UBOX5: variants seen among roughly 807,000 people sequenced by gnomAD.
UBOX5 encodes the protein U-box domain containing 5, also known as RING finger protein 37.
In UBOX5, 28 loss-of-function variants were observed where a neutral mutation model predicts 39.0. The ratio of observed to expected loss-of-function variants is 0.72; its 90% CI spans 0.53 to 0.98. The LOEUF (loss-of-function observed/expected upper bound fraction) is 0.98. Ranked by LOEUF, UBOX5 falls within the 50% of genes least tolerant of loss-of-function variation. UBOX5 has a pLI of 0.00. For synonymous variants in UBOX5, 283 were observed against 275.5 expected, an observed-to-expected ratio of 1.03 and a Z score of -0.27; for missense variants, 585 against 674.4, an observed-to-expected ratio of 0.87 and a Z score of 1.47.
intron 1 of UBOX5, among the ~76,000 whole-genome samples, chr20:3,132,342 A>T (rs1241778632): frequency 6.6e-6 from 1 of 152,096 alleles, no homozygotes; most frequent in Non-Finnish European, 1.5e-5. Flanking sequence ...AAACACAAAG[A>T]ATTATACAGC....
At chr20:3,125,716 C>G (rs1391867869) in intron 1 of UBOX5, among the ~76,000 whole-genome samples, 1 of 148,346 alleles carries the variant, frequency 6.7e-6, no homozygotes, top group African/African-American at 2.5e-5. Context: ...AGTGCCTCTG[C>G]CTGGCCGCCC....
At chr20:3,132,403 G>A (rs531270193) in intron 1 of UBOX5, among the ~76,000 whole-genome samples, 1 of 152,114 alleles carries the variant, frequency 6.6e-6, no homozygotes, top group South Asian at 2.1e-4. Context: ...ATCAATATTG[G>A]CTCATTAGTT....
chr20:3,146,739 C>A (rs891796195), intron 1 of UBOX5: 2 of 1,591,202 alleles, frequency 1.3e-6, no homozygotes, highest in African/African-American at 1.3e-5. Context: ...ACAGTATACA[C>A]CTATAGCTTT....
intron 1 of UBOX5, chr20:3,148,417 G>C (rs2148620586): frequency 6.2e-7 from 1 of 1,614,108 alleles, no homozygotes; most frequent in East Asian, 2.2e-5. Context: ...GGGAGTGAGG[G>C]ATTCCTAAAA....
At chr20:3,114,861 T>C (rs1322604052) in intron 4 of UBOX5, among the ~76,000 whole-genome samples, 2 of 152,060 alleles carry the variant, frequency 1.3e-5, no homozygotes, top group Non-Finnish European at 2.9e-5. Context: ...GGCAGGAGAA[T>C]AGCTTGAATC....
rs1185567275 is a variant in UBOX5, at chr20:3,109,054, C to T, written c.*1052G>A. The T allele has an allele frequency of 1.3e-5, 2 of 151,994 alleles. No individual in the cohort carries two copies. Among genetic ancestry groups the T allele is most frequent in the African/African-American group, 4.8e-5 (2 of 41,378 alleles). The allele number at this position is 151,994 out of a possible 1,614,324, so 9.4% of individuals were successfully genotyped here. A position where few individuals can be genotyped will look rare whatever the true frequency, so the allele number is the denominator to read the frequency against. ...TGTGCCGGTTCACAGGGACCCGCGGCTAAGCTCAAGGGTAAAATACAGCTT... is the reference window on the plus strand; with the variant it reads ...TGTGCCGGTTCACAGGGACCCGCGGTTAAGCTCAAGGGTAAAATACAGCTT... On this transcript the variant is annotated 3_prime_UTR_variant, in exon 5 of 5. Transcript: ENST00000217173.
At position 3,149,126 on chromosome 20, in the gene UBOX5, C is replaced by A; in HGVS notation, c.-42+10640G>T. ...CAGAATACAGTCCTCACAGATTTGACCAGGCAATTTCTTGTTTATATGGTG... is the reference window on the plus strand; with the variant it reads ...CAGAATACAGTCCTCACAGATTTGAACAGGCAATTTCTTGTTTATATGGTG... On this transcript the variant is annotated intron_variant, in intron 1 of 4. Coordinates refer to ENST00000217173, the MANE Select transcript of UBOX5 (RefSeq NM_014948.4). This position sits in a 1 kb window ranked among gnomAD's most constrained non-coding sequence, Gnocchi z 4.1. 2.0e-6 allele frequency: 3 copies of A among 1,536,104 alleles called. No individual in the cohort carries two copies. Among genetic ancestry groups the A allele is most frequent in the Admixed American group, 4.1e-5 (2 of 48,310 alleles).
chr20:3,145,292 C>T (rs2066550618), intron 1 of UBOX5, among the ~76,000 whole-genome samples: 1 of 151,898 alleles, frequency 6.6e-6, no homozygotes, highest in African/African-American at 2.4e-5. Context: ...AGCTGGACTA[C>T]AGGTGTGCAT....
chr20:3,126,597 AAGAC>A (rs909219077), intron 1 of UBOX5, among the ~76,000 whole-genome samples: 29 of 151,232 alleles, frequency 1.9e-4, no homozygotes, highest in Admixed American at 5.3e-4. Context: ...AAGAAAGAAA[AAGAC>A]AGAGAAAGAG....
chr20:3,145,211 G>A (rs2066550041), intron 1 of UBOX5, among the ~76,000 whole-genome samples: 1 of 151,590 alleles, frequency 6.6e-6, no homozygotes, highest in South Asian at 2.1e-4. Context: ...GGAGTGCACT[G>A]ACACAATCAC....
chr20:3,139,556 A>AT (rs1050824149), intron 1 of UBOX5, among the ~76,000 whole-genome samples: 18 of 149,138 alleles, frequency 1.2e-4, no homozygotes, highest in African/African-American at 4.5e-4. Flanking sequence ...CACCCAACTA[A>AT]TTTTTTTGTA....
At chr20:3,129,231 T>C (rs959571978) in intron 1 of UBOX5, among the ~76,000 whole-genome samples, 1 of 152,216 alleles carries the variant, frequency 6.6e-6, no homozygotes, top group Non-Finnish European at 1.5e-5. Flanking sequence ...CCAGCCCCGT[T>C]ACATGCTCCT....
intron 1 of UBOX5, among the ~76,000 whole-genome samples, chr20:3,131,746 C>T (rs972707314): frequency 6.6e-6 from 1 of 152,266 alleles, no homozygotes; most frequent in Non-Finnish European, 1.5e-5. Context: ...TGGTGGCTCA[C>T]GCCTATAATC....
chr20:3,126,178 C>A (rs1441017577), intron 1 of UBOX5, among the ~76,000 whole-genome samples: 4 of 152,154 alleles, frequency 2.6e-5, no homozygotes, highest in African/African-American at 9.7e-5. Flanking sequence ...AATTCTTCTG[C>A]CTTGGGATGC....
chr20:3,158,773 C>T (rs530160475), intron 1 of UBOX5, among the ~76,000 whole-genome samples: 1 of 152,306 alleles, frequency 6.6e-6, no homozygotes, highest in African/African-American at 2.4e-5. Context: ...TGTGTCCGGC[C>T]CAGATTTTAT....
intron 1 of UBOX5, among the ~76,000 whole-genome samples, chr20:3,124,484 T>C (rs560980180): frequency 6.6e-6 from 1 of 152,248 alleles, no homozygotes; most frequent in East Asian, 1.9e-4. Flanking sequence ...AACCTCCACC[T>C]CCCAGCCGCC....
intron 1 of UBOX5, among the ~76,000 whole-genome samples, chr20:3,142,772 CAAAAAA>C (rs58907108): frequency 1.3e-5 from 1 of 77,764 alleles, no homozygotes; most frequent in East Asian, 3.8e-4. Flanking sequence ...AACTCTGTCT[CAAAAAA>C]AAAAAAAAAA....
chr20:3,136,635 G>A (rs984460556), intron 1 of UBOX5, among the ~76,000 whole-genome samples: 4 of 151,848 alleles, frequency 2.6e-5, no homozygotes, highest in South Asian at 4.2e-4. Flanking sequence ...GATTACAGGC[G>A]TGAGCCACTG....
In UBOX5 at chr20:3,121,556, A is replaced by G. The variant is rs1393037605; in HGVS notation, c.1083T>C (p.Ser361=). ...AVIPSSIVLP[S]QKRKIEQAEH... is the part of the protein sequence containing the mutation. ...CAGCCTGCTCTATCTTCCTTTTCTG[A>G]GAGGGCAGAACAATGGAAGAAGGGA... Residue 361 remains serine (S), a synonymous_variant, in exon 3 of 5, where the codon TCT becomes TCC. Transcript: ENST00000217173. 6.2e-7 allele frequency: 1 copy of G among 1,609,544 alleles called. No homozygotes were observed. The highest frequency in any genetic ancestry group is 1.1e-5 in the South Asian group (1 of 90,582).
Sources: gnomAD v4.1 joint callset for allele counts (sites outside exome capture counted in the v4.1 genomes callset) on GRCh38, gnomAD v4.1.1 for gene constraint, Gnocchi (gnomAD v3.1) non-coding constraint, MANE v1.5 for transcripts, NCBI Gene and HGNC (gene_info 2026-07-23, HGNC 2026-07-21) for gene names.